Variants in LRIF1 observed in about 807,000 individuals in gnomAD.
The protein encoded by LRIF1 is ligand-dependent nuclear receptor-interacting factor 1.
A neutral mutation model predicts 52.7 loss-of-function variants in LRIF1; 32 were observed. The observed-to-expected ratio is 0.61, with a 90% CI of 0.46 to 0.82. The LOEUF is 0.82. LRIF1 is among the 40% of genes least tolerant of loss of function. The pLI is 0.00. For missense variants in LRIF1, 887 were observed against 892.0 expected, an observed-to-expected ratio of 0.99 and a Z score of 0.07; for synonymous variants, 323 against 317.4, an observed-to-expected ratio of 1.02 and a Z score of -0.19.
the LRIF1 span, among the ~76,000 whole-genome samples, chr1:110,878,224 T>G: frequency 6.6e-6 from 1 of 152,210 alleles, no homozygotes; most frequent in African/African-American, 2.4e-5. Flanking sequence ...CTATCTATTA[T>G]GTATCTCAGT....
Position 110,951,628 on chromosome 1 carries a change from C to T in LRIF1, c.1256G>A (p.Ser419Asn). 6.2e-7 allele frequency: 1 copy of T among 1,614,084 alleles called. No homozygotes were observed. Among genetic ancestry groups the T allele is most frequent in the Non-Finnish European group, 8.5e-7 (1 of 1,180,002 alleles). The change falls in exon 2 of 4, where the codon AGT becomes AAT. Residue 419 changes from serine to asparagine, a missense_variant. By Grantham distance (46) the Ser-to-Asn change is conservative. Coordinates refer to ENST00000369763, the MANE Select transcript of LRIF1 (RefSeq NM_018372.4). ...REVVNIVLAK[S>N]KSSQMETKSL... is the part of the protein sequence containing the mutation. ...TTTTGTCTCCATCTGGGAAGATTTACTTTTAGCCAAAACAATATTTACAAC... is the reference window on the plus strand; with the variant it reads ...TTTTGTCTCCATCTGGGAAGATTTATTTTTAGCCAAAACAATATTTACAAC...
At chr1:110,915,635 C>T in the LRIF1 span, among the ~76,000 whole-genome samples, 1 of 152,106 alleles carries the variant, frequency 6.6e-6, no homozygotes, top group Non-Finnish European at 1.5e-5. Flanking sequence ...CAGTGACTAT[C>T]CATGGAGGAG....
At chr1:110,930,101 A>G in the LRIF1 span, among the ~76,000 whole-genome samples, 1 of 152,062 alleles carries the variant, frequency 6.6e-6, no homozygotes, top group Non-Finnish European at 1.5e-5. Context: ...TTTTTTTCCT[A>G]TGTGTTCTTT....
intron 1 of LRIF1, among the ~76,000 whole-genome samples, chr1:110,962,041 C>T (rs976514100): frequency 6.8e-6 from 1 of 146,368 alleles, no homozygotes; most frequent in Admixed American, 6.9e-5. Context: ...GGATTAGAAA[C>T]TGGATAACAG....
the LRIF1 span, among the ~76,000 whole-genome samples, chr1:110,887,225 G>C: frequency 1.3e-5 from 2 of 151,836 alleles, no homozygotes; most frequent in Non-Finnish European, 2.9e-5. Flanking sequence ...CACCACGCCT[G>C]GCTAATTTTT....
At chr1:110,933,894 C>A in the LRIF1 span, among the ~76,000 whole-genome samples, 1 of 152,104 alleles carries the variant, frequency 6.6e-6, no homozygotes, top group Non-Finnish European at 1.5e-5. Flanking sequence ...TCTCCCCTAA[C>A]CACAGGGTGC....
chr1:110,916,597 T>C, the LRIF1 span, among the ~76,000 whole-genome samples: 8,482 of 152,180 alleles, frequency 0.056, 284 homozygotes, highest in East Asian at 0.14. Flanking sequence ...TTATAAGTAA[T>C]GTAAATATTC....
the LRIF1 span, among the ~76,000 whole-genome samples, chr1:110,902,517 A>AAAAAAAAAAAAAAAAAAAAAG: frequency 1.3e-3 from 131 of 104,580 alleles, no homozygotes; most frequent in East Asian, 2.6e-3. Context: ...AAAAAAAAAA[A>AAAAAAAAAAAAAAAAAAAAAG]AAAGAAATAC....
At chr1:110,892,562 C>A in the LRIF1 span, 2 of 1,569,802 alleles carry the variant, frequency 1.3e-6, no homozygotes, top group Non-Finnish European at 8.7e-7. Flanking sequence ...TGTGGTGCCC[C>A]AAGTCGGGGA....
the LRIF1 span, among the ~76,000 whole-genome samples, chr1:110,921,039 T>A: frequency 6.6e-6 from 1 of 152,126 alleles, no homozygotes; most frequent in East Asian, 1.9e-4. Context: ...AGTGGGCAAG[T>A]ACAAATGAAC....
chr1:110,893,613 C>T, the LRIF1 span, among the ~76,000 whole-genome samples: 5 of 152,212 alleles, frequency 3.3e-5, no homozygotes, highest in African/African-American at 7.2e-5. Flanking sequence ...TAAGCCACTG[C>T]GCCCAGTCTG....
chr1:110,944,537 T>C (rs938463824), downstream of LRIF1: 1 of 152,172 alleles, frequency 6.6e-6, no homozygotes, highest in African/African-American at 2.4e-5. Flanking sequence ...AACCGTGGAC[T>C]GAGTCCTCAG....
intron 1 of LRIF1, among the ~76,000 whole-genome samples, chr1:110,954,456 TTTTTTATAGAGG>T (rs925060288): frequency 1.1e-4 from 16 of 152,260 alleles, no homozygotes; most frequent in African/African-American, 3.9e-4. Flanking sequence ...AATTTTTGTA[TTTTTTATAGAGG>T]CAAAGTTTTG....
chr1:110,955,168 T>G (rs931006177), intron 1 of LRIF1, among the ~76,000 whole-genome samples: 1 of 152,214 alleles, frequency 6.6e-6, no homozygotes, highest in East Asian at 1.9e-4. Flanking sequence ...CAGGGTTTTC[T>G]TTGCTAAATA....
chr1:110,927,540 C>T, the LRIF1 span, among the ~76,000 whole-genome samples: 1 of 152,086 alleles, frequency 6.6e-6, no homozygotes. Context: ...TGTTACAGAG[C>T]TAAACACAAT....
At chr1:110,958,008 T>TTA (rs1362301150) in intron 1 of LRIF1, among the ~76,000 whole-genome samples, 1 of 152,254 alleles carries the variant, frequency 6.6e-6, no homozygotes, top group East Asian at 1.9e-4. Flanking sequence ...TTGCTGATGT[T>TTA]GTTTTTCTGA....
chr1:110,892,443 T>C, the LRIF1 span: 2 of 1,613,840 alleles, frequency 1.2e-6, no homozygotes, highest in Non-Finnish European at 1.7e-6. Context: ...CGCTGGGCAA[T>C]GTGTTTGTCA....
chr1:110,962,314 A>C (rs1470017675), intron 1 of LRIF1, among the ~76,000 whole-genome samples: 2 of 152,096 alleles, frequency 1.3e-5, no homozygotes, highest in African/African-American at 4.8e-5. Flanking sequence ...AAAAAGAAAA[A>C]AGAAAAAAAC....
chr1:110,917,348 C>T, the LRIF1 span, among the ~76,000 whole-genome samples: 6 of 152,180 alleles, frequency 3.9e-5, no homozygotes, highest in Admixed American at 1.3e-4. Context: ...TAACATCAGA[C>T]AGGAAGACAA....
Sources: allele counts gnomAD v4.1 joint callset (sites outside exome capture counted in the v4.1 genomes callset), GRCh38; gene constraint gnomAD v4.1.1; transcripts MANE v1.5; gene names NCBI Gene and HGNC (gene_info 2026-07-23, HGNC 2026-07-21).